Variants in OSM observed in about 807,000 individuals in gnomAD.
OSM encodes oncostatin M.
Under a neutral mutation model 6.3 loss-of-function variants are expected in OSM, and 1 was observed. The ratio of observed to expected loss-of-function variants is 0.16; its 90% CI spans 0.06 to 0.76. The LOEUF is 0.76. Ranked by LOEUF, OSM falls within the 30% of genes least tolerant of loss-of-function variation. The pLI, the probability that OSM is intolerant of heterozygous loss-of-function variation, is 0.77. For synonymous variants in OSM, 135 were observed against 143.4 expected, an observed-to-expected ratio of 0.94 and a Z score of 0.42; for missense variants, 324 against 336.9, an observed-to-expected ratio of 0.96 and a Z score of 0.30.
Position 30,265,045 on chromosome 22 carries a change from T to C in OSM, c.134A>G (p.Gln45Arg). 6.2e-7 allele frequency: 1 copy of C among 1,614,194 alleles called. No homozygotes were observed. Among genetic ancestry groups the C allele is most frequent in the Non-Finnish European group, 8.5e-7 (1 of 1,180,012 alleles). Residue 45 changes from glutamine (Q) to arginine (R), a missense_variant, in exon 2 of 3, where the codon CAG becomes CGG. Coordinates refer to ENST00000215781, the MANE Select transcript of OSM (RefSeq NM_020530.6). The stretch of plus-strand genomic sequence containing the variant: ...GCTGGTGTCCTGCATGAGATCTGTC[T>C]GCTTCTGGAGCTGGCCAAGGAGCAC... Reference protein sequence around the residue: ...YRVLLGQLQKQTDLMQDTSRL... With the variant: ...YRVLLGQLQKRTDLMQDTSRL...
chr22:30,263,507 C>A lies in OSM; in HGVS notation c.*376G>T, dbSNP rs201425752. On this transcript the variant is annotated 3_prime_UTR_variant, in exon 3 of 3. Transcript: ENST00000215781. ...CGGAAAGGAGGAAGTCTGGGGGCAACGGCCCTGCAAGTCATGAGAGGGAAG... is the reference window on the plus strand; with the variant it reads ...CGGAAAGGAGGAAGTCTGGGGGCAAAGGCCCTGCAAGTCATGAGAGGGAAG... 8 of 231,358 alleles carry A rather than the reference C, an allele frequency of 3.5e-5. No homozygotes were observed. The highest frequency in any genetic ancestry group is 1.3e-4 in the African/African-American group (6 of 44,542). The allele number at this position is 231,358 out of a possible 1,614,324, so 14.3% of individuals were successfully genotyped here. A position where few individuals can be genotyped will look rare whatever the true frequency, so the allele number is the denominator to read the frequency against.
rs551951830 is a variant in OSM, at chr22:30,265,183, G to A, written c.35-39C>T. 28 of 1,588,524 alleles carry A rather than the reference G, an allele frequency of 1.8e-5. 1 individual carries two copies. In the South Asian group the frequency reaches 3.0e-4, roughly 17 times the overall value. On this transcript the variant is annotated intron_variant, in intron 1 of 2. Coordinates refer to ENST00000215781, the MANE Select transcript of OSM (RefSeq NM_020530.6). ...GAGGGGTGTCACCTGACTTGGTGAGGAAAGCCACAGATGGGAGCCTCGGGG... is the reference window on the plus strand; with the variant it reads ...GAGGGGTGTCACCTGACTTGGTGAGAAAAGCCACAGATGGGAGCCTCGGGG...
chr22:30,264,059 G>A lies in OSM; in HGVS notation c.583C>T (p.Leu195=), dbSNP rs1929317525. Reference sequence around the variant, plus strand: ...TGCATGAAGCGATGGTAGCCATGCAGGAACCTGCAGCCCTCCAGCTTGCGC... The same window carrying A: ...TGCATGAAGCGATGGTAGCCATGCAAGAACCTGCAGCCCTCCAGCTTGCGC... ...FQRKLEGCRF[L]HGYHRFMHSV... Residue 195 remains leucine (L), a synonymous_variant, in exon 3 of 3, where the codon CTG becomes TTG. Transcript: ENST00000215781. 1.9e-6 allele frequency: 3 copies of A among 1,591,150 alleles called. No individual in the cohort carries two copies. In the African/African-American group the frequency reaches 4.0e-5, roughly 21 times the overall value.
In OSM at chr22:30,263,590, CTG is replaced by C. The variant is rs1260329558; in HGVS notation, c.*291_*292del. 2.7e-6 allele frequency: 1 copy of C among 367,654 alleles called. No homozygotes were observed. The highest frequency in any genetic ancestry group is 4.5e-5 in the Admixed American group (1 of 22,302). The allele number at this position is 367,654 out of a possible 1,614,324, so 22.8% of individuals were successfully genotyped here. ...GCAGTCAGCCCGGCCATGAGTCAGC[CTG>C]TGTCATCAGACCCCTGAATCAATGG... On this transcript the variant is annotated 3_prime_UTR_variant, in exon 3 of 3. Transcript: ENST00000215781.
chr22:30,264,736 C>A (rs1250282408), intron 2 of OSM, among the ~76,000 whole-genome samples: 5 of 152,202 alleles, frequency 3.3e-5, no homozygotes, highest in Non-Finnish European at 4.4e-5. Flanking sequence ...AGTGCCTAGA[C>A]CAGAGCCTGG....
In OSM at chr22:30,262,971, C is replaced by T. The variant is rs1004956894; in HGVS notation, c.*912G>A. 1 of 152,772 alleles carries T rather than the reference C, an allele frequency of 6.5e-6. No homozygotes were observed. The highest frequency in any genetic ancestry group is 1.5e-5 in the Non-Finnish European group (1 of 68,038). 9.5% of individuals were successfully genotyped at this position (152,772 alleles called of 1,614,324 possible). A position where few individuals can be genotyped will look rare whatever the true frequency, so the allele number is the denominator to read the frequency against. On this transcript the variant is annotated 3_prime_UTR_variant, in exon 3 of 3. Coordinates refer to ENST00000215781, the MANE Select transcript of OSM (RefSeq NM_020530.6). Reference sequence around the variant, plus strand: ...TCATGTCCCTCCAAGGAACTGGCCTCGCAGTTTCTGAGACCCCCTCTAGGA... The same window carrying T: ...TCATGTCCCTCCAAGGAACTGGCCTTGCAGTTTCTGAGACCCCCTCTAGGA...
rs1442558947 is a variant in OSM at position 30,263,064 on chromosome 22, C to A, written c.*819G>T. On this transcript the variant is annotated 3_prime_UTR_variant, in exon 3 of 3. Transcript: ENST00000215781. ...AGGGGGAGCAGCCAGCAGCGAGGAC[C>A]CAAGACGGGCTTCCCGGCGCTGGGA... 1 of 152,690 alleles carries A rather than the reference C, an allele frequency of 6.5e-6. No homozygotes were observed. Among genetic ancestry groups the A allele is most frequent in the African/African-American group, 2.4e-5 (1 of 41,428 alleles). The allele number at this position is 152,690 out of a possible 1,614,324, so 9.5% of individuals were successfully genotyped here.
intron 2 of OSM, among the ~76,000 whole-genome samples, chr22:30,264,733 A>G (rs1929346115): frequency 6.6e-6 from 1 of 152,224 alleles, no homozygotes. Flanking sequence ...CCCAGTGCCT[A>G]GACCAGAGCC....
chr22:30,264,033 G>A lies in OSM; in HGVS notation c.609C>T (p.His203=), dbSNP rs1216313261. 6.3e-7 allele frequency: 1 copy of A among 1,576,384 alleles called. No individual in the cohort carries two copies. Among genetic ancestry groups the A allele is most frequent in the Admixed American group, 1.8e-5 (1 of 57,122 alleles). The change falls in exon 3 of 3, where the codon CAC becomes CAT. Residue 203 remains histidine, a synonymous_variant. Transcript: ENST00000215781. ...ACTTGCTGAAGACCCGCCCCACTGA[G>A]TGCATGAAGCGATGGTAGCCATGCA... ...RFLHGYHRFM[H]SVGRVFSKWG...
rs535625269 is a variant in OSM at position 30,264,308 on chromosome 22, C to T, written c.334G>A (p.Asp112Asn). The change falls in exon 3 of 3, where the codon GAC becomes AAC. Residue 112 changes from aspartate to asparagine, a missense_variant. Transcript: ENST00000215781. ...GCCTTGGGGAGGCGCTGCTCTAAGT[C>T]GGCCAGTCTGTGCAGGACGCAGCCC... Reference protein sequence around the residue: ...TLGCVLHRLADLEQRLPKAQD... With the variant: ...TLGCVLHRLANLEQRLPKAQD... The T allele has an allele frequency of 1.7e-5, 27 of 1,614,060 alleles. No homozygotes were observed. The East Asian group carries it at 3.3e-4, about 20-fold the overall frequency.
chr22:30,264,141 C>G lies in OSM; in HGVS notation c.501G>C (p.Lys167Asn). The G allele has an allele frequency of 6.2e-7, 1 of 1,613,112 alleles. No homozygotes were observed. Among genetic ancestry groups the G allele is most frequent in the Non-Finnish European group, 8.5e-7 (1 of 1,179,532 alleles). The part of the protein sequence containing the change: ...LDNSDTAEPT[K>N]AGRGASQPPT... ...GCGGCTGAGAGGCCCCCCGGCCAGCCTTCGTGGGCTCAGCCGTGTCTGAGT... is the reference window on the plus strand; with the variant it reads ...GCGGCTGAGAGGCCCCCCGGCCAGCGTTCGTGGGCTCAGCCGTGTCTGAGT... The change falls in exon 3 of 3, where the codon AAG (lysine) becomes AAC (asparagine). Residue 167 changes from lysine to asparagine, a missense_variant. By Grantham distance (94) the Lys-to-Asn change is moderately conservative. Transcript: ENST00000215781.
chr22:30,263,784 G>C lies in OSM; in HGVS notation c.*99C>G, dbSNP rs1601652876. On this transcript the variant is annotated 3_prime_UTR_variant, in exon 3 of 3. Transcript: ENST00000215781. The stretch of plus-strand genomic sequence containing the variant: ...ACTTCTCAGTGGCTAGTAGCAGAGG[G>C]GAACAGGTTTGGGGACCCGGGAGCT... The C allele has an allele frequency of 1.1e-6, 1 of 940,008 alleles. No individual in the cohort carries two copies. The highest frequency in any genetic ancestry group is 2.5e-5 in the East Asian group (1 of 39,276). 58.2% of individuals were successfully genotyped at this position (940,008 alleles called of 1,614,324 possible).
In OSM at chr22:30,263,802, C is replaced by T. The variant is rs1275636734; in HGVS notation, c.*81G>A. ...GCAGAGGGGAACAGGTTTGGGGACC[C>T]GGGAGCTGTCATCCTGCGATGGTTC... On this transcript the variant is annotated 3_prime_UTR_variant, in exon 3 of 3. Coordinates refer to ENST00000215781, the MANE Select transcript of OSM (RefSeq NM_020530.6). The T allele has an allele frequency of 1.4e-5, 17 of 1,185,296 alleles. No homozygotes were observed. The highest frequency in any genetic ancestry group is 3.4e-5 in the South Asian group (2 of 59,232). 73.4% of individuals were successfully genotyped at this position (1,185,296 alleles called of 1,614,324 possible). A position where few individuals can be genotyped will look rare whatever the true frequency, so the allele number is the denominator to read the frequency against.
intron 1 of OSM, among the ~76,000 whole-genome samples, chr22:30,265,996 G>A (rs766709497): frequency 3.9e-5 from 6 of 152,264 alleles, no homozygotes; most frequent in African/African-American, 7.2e-5. Context: ...CATCGTTCCC[G>A]TCCTAAGAAC....
chr22:30,265,980 T>C (rs1236513012), intron 1 of OSM, among the ~76,000 whole-genome samples: 7 of 152,234 alleles, frequency 4.6e-5, no homozygotes, highest in Admixed American at 4.6e-4. Context: ...CGGAAGGCAG[T>C]GACACCATCG....
At position 30,263,874 on chromosome 22, in the gene OSM, C is replaced by A; in HGVS notation, c.*9G>T. ...CCGCATCCTTCACCGGCAAGGGGTG[C>A]TCTCGAGGCTACCGGGGCAGCTGTC... On this transcript the variant is annotated 3_prime_UTR_variant, in exon 3 of 3. Coordinates refer to ENST00000215781, the MANE Select transcript of OSM (RefSeq NM_020530.6). 6.7e-7 allele frequency: 1 copy of A among 1,492,562 alleles called. No homozygotes were observed. The highest frequency in any genetic ancestry group is 8.9e-7 in the Non-Finnish European group (1 of 1,124,262). 92.5% of individuals were successfully genotyped at this position (1,492,562 alleles called of 1,614,324 possible).
Position 30,264,154 on chromosome 22 carries a change from G to C in OSM, c.488C>G (p.Ala163Gly). 1 of 1,613,708 alleles carries C rather than the reference G, an allele frequency of 6.2e-7. No homozygotes were observed. ...MAQLLDNSDT[A>G]EPTKAGRGAS... ...CCCCCGGCCAGCCTTCGTGGGCTCA[G>C]CCGTGTCTGAGTTGTCCAGCAGCTG... Residue 163 changes from alanine to glycine, a missense_variant, in exon 3 of 3, where the codon GCT (alanine) becomes GGT (glycine). Coordinates refer to ENST00000215781, the MANE Select transcript of OSM (RefSeq NM_020530.6).
Position 30,266,758 on chromosome 22 carries a change from G to C in OSM, c.34+8C>G. The C allele has an allele frequency of 6.2e-7, 1 of 1,613,232 alleles. No individual in the cohort carries two copies. The highest frequency in any genetic ancestry group is 8.5e-7 in the Non-Finnish European group (1 of 1,179,510). On this transcript the variant is annotated splice_region_variant and intron_variant, in intron 1 of 2. Transcript: ENST00000215781. This position sits in a 1 kb window ranked among gnomAD's most constrained non-coding sequence, Gnocchi z 5.0. ...GCGGGTTCTGGCGGGGAGGAAGGAA[G>C]TACTTACTGAGCAGCGTCCTCTGTG...
At chr22:30,265,578 A>G in intron 1 of OSM, 1 of 208,916 alleles carries the variant, frequency 4.8e-6, no homozygotes, top group Non-Finnish European at 8.9e-6. Context: ...TGCTCTGGCC[A>G]TCCAGGTAGA....
Sources: allele counts gnomAD v4.1 joint callset (sites outside exome capture counted in the v4.1 genomes callset), GRCh38; gene constraint gnomAD v4.1.1; non-coding constraint Gnocchi (gnomAD v3.1); transcripts MANE v1.5; gene names NCBI Gene and HGNC (gene_info 2026-07-23, HGNC 2026-07-21).